TMC5: variants seen among roughly 807,000 people sequenced by gnomAD.
TMC5 encodes the protein transmembrane channel-like protein 5.
A neutral mutation model predicts 110.5 loss-of-function variants in TMC5; 86 were observed. That is an observed-to-expected ratio of 0.78 (90% CI 0.65 to 0.93). The LOEUF (loss-of-function observed/expected upper bound fraction) is 0.93. Ranked by LOEUF, TMC5 falls within the 40% of genes least tolerant of loss-of-function variation. TMC5 has a pLI of 0.00. For missense variants in TMC5, 1,144 were observed against 1,222.8 expected, an observed-to-expected ratio of 0.94 and a Z score of 0.96; for synonymous variants, 455 against 439.5, an observed-to-expected ratio of 1.04 and a Z score of -0.44.
At chr16:19,449,760 A>C in intron 5 of TMC5, 129 bp downstream of exon 5, 1 of 768,704 alleles carries the variant, frequency 1.3e-6, no homozygotes, top group Non-Finnish European at 2.2e-6. Context: ...TGCTGTTCTC[A>C]TGATATTGAG....
intron 1 of TMC5, among the ~76,000 whole-genome samples, chr16:19,423,872 C>T (rs1967036714): frequency 1.3e-5 from 2 of 152,230 alleles, no homozygotes; most frequent in African/African-American, 4.8e-5. Context: ...CTGCCTCAGC[C>T]TCCTGAGTAG....
At chr16:19,412,564 CATCATGT>C (rs1966858439) in intron 1 of TMC5, among the ~76,000 whole-genome samples, 1 of 152,136 alleles carries the variant, frequency 6.6e-6, no homozygotes, top group Non-Finnish European at 1.5e-5. Flanking sequence ...GATGGGCTTT[CATCATGT>C]TGGCCAGGCT....
chr16:19,436,273 G>GAAAAAAAAAAAAAAAAAAAA (rs750838547), intron 2 of TMC5, among the ~76,000 whole-genome samples: 5 of 107,580 alleles, frequency 4.6e-5, no homozygotes, highest in African/African-American at 7.7e-5. Context: ...GTCTCAAAAA[G>GAAAAAAAAAAAAAAAAAAAA]AAAAAAAAAA....
At chr16:19,447,176 C>T (rs764211428) in intron 4 of TMC5, among the ~76,000 whole-genome samples, 9 of 152,134 alleles carry the variant, frequency 5.9e-5, no homozygotes, top group Non-Finnish European at 8.8e-5. Context: ...GGCTGAACTA[C>T]GCTGAGTTTG....
At chr16:19,438,111 G>C (rs908283673) in intron 2 of TMC5, among the ~76,000 whole-genome samples, 1 of 152,114 alleles carries the variant, frequency 6.6e-6, no homozygotes, top group African/African-American at 2.4e-5. Flanking sequence ...AAAACTGGAG[G>C]CCAGGTGCAG....
rs1021886672 is a variant in TMC5, at chr16:19,487,118, G to A, written c.2440-75G>A. Reference sequence around the variant, plus strand: ...GAAGGGGGCTCTGCAAAGGTGTCAGGAAGCCAGGCCTGGCTGGGGTCCCTC... The same window carrying A: ...GAAGGGGGCTCTGCAAAGGTGTCAGAAAGCCAGGCCTGGCTGGGGTCCCTC... On this transcript the variant is annotated intron_variant, in intron 16 of 21. Coordinates refer to ENST00000542583, the MANE Select transcript of TMC5 (RefSeq NM_001261841.2). 1.9e-6 allele frequency: 3 copies of A among 1,605,758 alleles called. No individual in the cohort carries two copies. The African/African-American group carries it at 4.0e-5, about 21-fold the overall frequency.
intron 1 of TMC5, among the ~76,000 whole-genome samples, chr16:19,419,417 T>G (rs1056706543): frequency 7.5e-6 from 1 of 133,038 alleles, no homozygotes; most frequent in African/African-American, 2.8e-5. Flanking sequence ...TTTTTTTTTT[T>G]TTTTTTTTTT....
intron 5 of TMC5, among the ~76,000 whole-genome samples, chr16:19,454,136 C>T (rs983191662): frequency 6.6e-6 from 1 of 152,024 alleles, no homozygotes; most frequent in Admixed American, 6.6e-5. Flanking sequence ...CAACCTCTAC[C>T]TCCTGAGTTC....
intron 9 of TMC5, 152 bp from the exon 10 acceptor site, chr16:19,469,529 T>C (rs1455396926): frequency 3.5e-6 from 3 of 868,434 alleles, no homozygotes; most frequent in Non-Finnish European, 5.3e-6. Flanking sequence ...TTAACCACTG[T>C]GTGGTGACCA....
intron 4 of TMC5, among the ~76,000 whole-genome samples, chr16:19,447,479 T>C (rs1967639650): frequency 6.6e-6 from 1 of 152,214 alleles, no homozygotes; most frequent in Non-Finnish European, 1.5e-5. Flanking sequence ...TAACAGTTAA[T>C]ATATATTAGA....
intron 21 of TMC5, 73 bp downstream of exon 21, chr16:19,497,236 A>C: frequency 6.8e-7 from 1 of 1,480,336 alleles, no homozygotes; most frequent in Non-Finnish European, 9.4e-7. Context: ...AAGTGTAAGA[A>C]TTGCTCATGT....
upstream of TMC5, among the ~76,000 whole-genome samples, chr16:19,414,900 T>C (rs1327649846): frequency 6.6e-6 from 1 of 151,926 alleles, no homozygotes; most frequent in African/African-American, 2.4e-5. Context: ...AGAAACTAGG[T>C]GGGCATAGTG....
In TMC5 at chr16:19,451,948, G is replaced by A. The variant is rs377631166; in HGVS notation, c.1048+2317G>A. Among the ~76,000 whole-genome samples, 135 of 152,200 alleles carry A rather than the reference G, an allele frequency of 8.9e-4. 1 individual carries two copies. In the South Asian group the frequency reaches 0.012, roughly 14 times the overall value. The stretch of plus-strand genomic sequence containing the variant: ...TGAGTAGCTGGCATTACAGGCATGC[G>A]CCACCACACCCAGCTCATTTTTGTA... On this transcript the variant is annotated intron_variant, in intron 5 of 21. Transcript: ENST00000542583.
rs1432162510 is a variant in TMC5, at chr16:19,443,918, T to C, written c.789-163T>C. Among the ~76,000 whole-genome samples the C allele has an allele frequency of 2.6e-5, 4 of 151,832 alleles. No homozygotes were observed. The South Asian group carries it at 6.3e-4, about 24-fold the overall frequency. Reference sequence around the variant, plus strand: ...ATAAATGGATGGATAAATACATGATTGAATGGATGGATACATGGATGGATG... The same window carrying C: ...ATAAATGGATGGATAAATACATGATCGAATGGATGGATACATGGATGGATG... On this transcript the variant is annotated intron_variant, in intron 3 of 21. Coordinates refer to ENST00000542583, the MANE Select transcript of TMC5 (RefSeq NM_001261841.2).
At chr16:19,456,965 C>A (rs1267002938) in intron 5 of TMC5, 1 of 1,614,114 alleles carries the variant, frequency 6.2e-7, no homozygotes, top group South Asian at 1.1e-5. Context: ...CCTTCATAGC[C>A]TAGAATGCAT....
intron 14 of TMC5, among the ~76,000 whole-genome samples, chr16:19,480,408 G>A (rs1438945635): frequency 6.6e-6 from 1 of 152,026 alleles, no homozygotes; most frequent in Non-Finnish European, 1.5e-5. Context: ...ATGGTCTGAT[G>A]TTGATTATTT....
At chr16:19,445,204 T>C (rs1967586883) in intron 4 of TMC5, among the ~76,000 whole-genome samples, 1 of 151,566 alleles carries the variant, frequency 6.6e-6, no homozygotes, top group Admixed American at 6.6e-5. Context: ...GTCCTCATAA[T>C]TTGTTGTGTG....
At chr16:19,442,537 C>T (rs1332052841) in intron 3 of TMC5, among the ~76,000 whole-genome samples, 1 of 152,052 alleles carries the variant, frequency 6.6e-6, no homozygotes, top group Admixed American at 6.5e-5. Context: ...CCATGTTGGC[C>T]AGGCTGGTCT....
intron 6 of TMC5, among the ~76,000 whole-genome samples, chr16:19,462,840 G>A (rs2143580882): frequency 6.6e-6 from 1 of 151,544 alleles, no homozygotes; most frequent in Non-Finnish European, 1.5e-5. Flanking sequence ...AGAGGCTGCA[G>A]TGAGCCGCCA....
Sources: gnomAD v4.1 joint callset for allele counts (sites outside exome capture counted in the v4.1 genomes callset) on GRCh38, gnomAD v4.1.1 for gene constraint, MANE v1.5 for transcripts, NCBI Gene and HGNC (gene_info 2026-07-23, HGNC 2026-07-21) for gene names.